Variants in RAB2B observed in about 807,000 individuals in gnomAD.
The protein encoded by RAB2B is ras-related protein Rab-2B.
In RAB2B, 20 loss-of-function variants were observed where a neutral mutation model predicts 29.8. That is an observed-to-expected ratio of 0.67 (90% CI 0.47 to 0.97). The LOEUF (loss-of-function observed/expected upper bound fraction) is 0.97, where lower values mean the gene tolerates loss of function less well. RAB2B is among the 50% of genes least tolerant of loss of function. The pLI is 0.00. For synonymous variants in RAB2B, 93 were observed against 91.7 expected (o/e 1.01, Z -0.08); for missense variants, 218 against 272.0 (o/e 0.80, Z 1.40).
At chr14:21,476,458 T>G (rs1432952645) in intron 2 of RAB2B, 70 bp downstream of exon 2, 1 of 1,588,258 alleles carries the variant, frequency 6.3e-7, no homozygotes, top group Admixed American at 1.7e-5. Flanking sequence ...TGAAGGCTGC[T>G]AACTTTCCAC....
At chr14:21,475,955 GA>G (rs1323915178) in intron 2 of RAB2B, among the ~76,000 whole-genome samples, 3 of 152,362 alleles carry the variant, frequency 2.0e-5, no homozygotes, top group African/African-American at 7.2e-5. Context: ...AGATAACGAA[GA>G]GGGGGTAGTT....
At chr14:21,473,522 G>C (rs1890869495) in intron 3 of RAB2B, among the ~76,000 whole-genome samples, 1 of 152,210 alleles carries the variant, frequency 6.6e-6, no homozygotes, top group Admixed American at 6.5e-5. Context: ...GCTTTTGACA[G>C]AGTTTCCATT....
chr14:21,464,065 G>A (rs1890631775), intron 5 of RAB2B, among the ~76,000 whole-genome samples: 1 of 151,946 alleles, frequency 6.6e-6, no homozygotes, highest in Non-Finnish European at 1.5e-5. Flanking sequence ...TCTATTGCTT[G>A]TTTTTCCAAT....
At chr14:21,462,041 T>TTA (rs1405229337) in intron 7 of RAB2B, among the ~76,000 whole-genome samples, 1 of 152,224 alleles carries the variant, frequency 6.6e-6, no homozygotes, top group South Asian at 2.1e-4. Context: ...CAATTATGAA[T>TTA]TATACCTCCC....
intron 3 of RAB2B, among the ~76,000 whole-genome samples, chr14:21,471,009 A>T (rs1248493871): frequency 1.3e-5 from 2 of 149,024 alleles, no homozygotes; most frequent in Non-Finnish European, 3.0e-5. Flanking sequence ...AAAAAAAAAA[A>T]AAAAAAAAAA....
chr14:21,462,442 ATCAGTC>A (rs754798974), intron 6 of RAB2B, 24 bp from the exon 7 acceptor site: 3 of 1,577,638 alleles, frequency 1.9e-6, no homozygotes, highest in Non-Finnish European at 2.6e-6. Flanking sequence ...AAATCGTATC[ATCAGTC>A]TCAAGTTCAG....
In RAB2B at chr14:21,474,916, C is replaced by T. The variant is rs755599325; in HGVS notation, c.137G>A (p.Arg46His). The T allele has an allele frequency of 3.7e-6, 6 of 1,613,860 alleles. No homozygotes were observed. Among genetic ancestry groups the T allele is most frequent in the Non-Finnish European group, 5.1e-6 (6 of 1,179,914 alleles). ...TTGTTTTCCATCAATGTTGACCATA[C>T]GAGCTCCAAACTCCACACCTGTCGG... ...DLTIGVEFGARMVNIDGKQIK... is the reference protein window; with the variant it reads ...DLTIGVEFGAHMVNIDGKQIK... The change falls in exon 3 of 8, where the codon CGT becomes CAT. Residue 46 changes from arginine to histidine, a missense_variant. Arg to His is a conservative substitution (Grantham distance 29). Coordinates refer to ENST00000397762, the MANE Select transcript of RAB2B (RefSeq NM_032846.4).
At chr14:21,475,027 C>T (rs1890914296) in intron 2 of RAB2B, 93 bp from the exon 3 acceptor site, 6 of 933,746 alleles carry the variant, frequency 6.4e-6, no homozygotes, top group South Asian at 1.4e-5. Context: ...GTGTTATAAC[C>T]ATCCTTTGTC....
rs182371160 is a variant in RAB2B, at chr14:21,461,662, T to C, written c.544-359A>G. ...TTCACAGTATGATCAGTGTGCACTA[T>C]AGCCTCAAACTTCTGGCCTCAAGTG... is the stretch of plus-strand genomic sequence containing the variant. On this transcript the variant is annotated intron_variant, in intron 7 of 7. Coordinates refer to ENST00000397762, the MANE Select transcript of RAB2B (RefSeq NM_032846.4). Among the ~76,000 whole-genome samples, 447 of 152,260 alleles carry C rather than the reference T, an allele frequency of 2.9e-3. 2 individuals carry two copies. Among genetic ancestry groups the C allele is most frequent in the African/African-American group, 9.9e-3 (412 of 41,558 alleles).
Position 21,459,989 on chromosome 14 carries a change from A to C in RAB2B, c.*1207T>G, listed in dbSNP as rs538305691. Reference sequence around the variant, plus strand: ...TTTCTTTAGGTAATAATAAGTGGCCACATGTCCCTGACCAACTTCACTGCT... The same window carrying C: ...TTTCTTTAGGTAATAATAAGTGGCCCCATGTCCCTGACCAACTTCACTGCT... On this transcript the variant is annotated 3_prime_UTR_variant, in exon 8 of 8. Transcript: ENST00000397762. 66 of 348,342 alleles carry C rather than the reference A, an allele frequency of 1.9e-4. No homozygotes were observed. Among genetic ancestry groups the C allele is most frequent in the African/African-American group, 1.4e-3 (65 of 46,794 alleles). 21.6% of individuals were successfully genotyped at this position (348,342 alleles called of 1,614,324 possible).
At chr14:21,464,702 A>T (rs933472594) in intron 5 of RAB2B, among the ~76,000 whole-genome samples, 4 of 152,084 alleles carry the variant, frequency 2.6e-5, no homozygotes, top group African/African-American at 9.7e-5. Flanking sequence ...CCTTATGAAA[A>T]ACAGGATAAA....
At chr14:21,473,669 T>C (rs2139606217) in intron 3 of RAB2B, among the ~76,000 whole-genome samples, 1 of 152,160 alleles carries the variant, frequency 6.6e-6, no homozygotes, top group African/African-American at 2.4e-5. Context: ...TCACCTGAGG[T>C]CAGTTCAACA....
Position 21,459,365 on chromosome 14 carries a change from T to C in RAB2B, c.*1831A>G, listed in dbSNP as rs886484904. 6.6e-6 allele frequency: 1 copy of C among 152,056 alleles called. No individual in the cohort carries two copies. The highest frequency in any genetic ancestry group is 1.5e-5 in the Non-Finnish European group (1 of 68,004). The allele number at this position is 152,056 out of a possible 1,614,324, so 9.4% of individuals were successfully genotyped here. ...CTGTATAAAACCCAGGGTAAACAAATGAGTGGGGCAGAATTACAGAGAGAG... is the reference window on the plus strand; with the variant it reads ...CTGTATAAAACCCAGGGTAAACAAACGAGTGGGGCAGAATTACAGAGAGAG... On this transcript the variant is annotated 3_prime_UTR_variant, in exon 8 of 8. Coordinates refer to ENST00000397762, the MANE Select transcript of RAB2B (RefSeq NM_032846.4).
chr14:21,474,810 A>G, intron 3 of RAB2B, 57 bp downstream of exon 3: 2 of 1,419,446 alleles, frequency 1.4e-6, no homozygotes, highest in Non-Finnish European at 2.0e-6. Context: ...CCTTTGCATC[A>G]GCTTTTCTTG....
intron 1 of RAB2B, 86 bp from the exon 2 acceptor site, chr14:21,476,685 C>A: frequency 6.2e-7 from 1 of 1,610,808 alleles, no homozygotes; most frequent in Non-Finnish European, 8.5e-7. Flanking sequence ...AAGGGGGGCT[C>A]CCGAGCCCCG....
intron 5 of RAB2B, 136 bp downstream of exon 5, chr14:21,468,221 A>G: frequency 3.2e-6 from 2 of 627,456 alleles, no homozygotes; most frequent in Non-Finnish European, 5.6e-6. Flanking sequence ...TGTGTCATAT[A>G]TATTTTATCA....
chr14:21,476,619 C>G lies in RAB2B; in HGVS notation c.47-20G>C. The G allele has an allele frequency of 6.2e-7, 1 of 1,613,704 alleles. No individual in the cohort carries two copies. The highest frequency in any genetic ancestry group is 8.5e-7 in the Non-Finnish European group (1 of 1,179,980). ...CCACACCTGAAAGAGAAAGCACACT[C>G]CCGGAATCACGCAGCCCTGGAACAC... On this transcript the variant is annotated intron_variant, in intron 1 of 7. Coordinates refer to ENST00000397762, the MANE Select transcript of RAB2B (RefSeq NM_032846.4).
At chr14:21,472,723 TTTCC>T (rs902277971) in intron 3 of RAB2B, among the ~76,000 whole-genome samples, 24 of 152,188 alleles carry the variant, frequency 1.6e-4, no homozygotes, top group Admixed American at 1.2e-3. Flanking sequence ...GGCTCTCAAC[TTTCC>T]TTTTTTGTTT....
chr14:21,471,246 G>A (rs1019790168), intron 3 of RAB2B, among the ~76,000 whole-genome samples: 6 of 151,738 alleles, frequency 4.0e-5, no homozygotes, highest in African/African-American at 7.3e-5. Context: ...GAACCAGTAA[G>A]CTAGAAAGAG....
Sources: allele counts gnomAD v4.1 joint callset (sites outside exome capture counted in the v4.1 genomes callset), GRCh38; gene constraint gnomAD v4.1.1; transcripts MANE v1.5; gene names NCBI Gene and HGNC (gene_info 2026-07-23, HGNC 2026-07-21).